Variants in STPG2 observed in about 807,000 individuals in gnomAD.
The protein encoded by STPG2 is sperm tail PG-rich repeat containing 2.
In STPG2, 56 loss-of-function variants were observed where a neutral mutation model predicts 54.2. The ratio of observed to expected loss-of-function variants is 1.03; its 90% confidence interval spans 0.83 to 1.29. The LOEUF (loss-of-function observed/expected upper bound fraction) is 1.29. Among genes scored for constraint, STPG2 ranks in the 50% most tolerant of loss-of-function variants. The pLI is 0.00. For synonymous variants in STPG2, 200 were observed against 181.8 expected, an observed-to-expected ratio of 1.10 and a Z score of -0.81; for missense variants, 596 against 544.9, an observed-to-expected ratio of 1.09 and a Z score of -0.93.
intron 3 of STPG2, among the ~76,000 whole-genome samples, chr4:98,127,188 G>A (rs750433086): frequency 2.9e-5 from 4 of 135,956 alleles, no homozygotes; most frequent in African/African-American, 8.5e-5. Context: ...GGCAAACATC[G>A]TAATAACATA....
At chr4:97,818,278 C>T (rs1038456997) in intron 9 of STPG2, among the ~76,000 whole-genome samples, 1 of 151,766 alleles carries the variant, frequency 6.6e-6, no homozygotes, top group Non-Finnish European at 1.5e-5. Flanking sequence ...CCAGTGTATG[C>T]CTGAAATCAA....
At chr4:97,791,644 A>C (rs868687359) in intron 9 of STPG2, among the ~76,000 whole-genome samples, 17 of 152,136 alleles carry the variant, frequency 1.1e-4, no homozygotes, top group African/African-American at 4.1e-4. Context: ...ATTAACAAAG[A>C]TTAGGCAAAC....
chr4:97,806,062 A>T (rs1727552253), intron 9 of STPG2, among the ~76,000 whole-genome samples: 1 of 152,208 alleles, frequency 6.6e-6, no homozygotes, highest in Admixed American at 6.5e-5. Context: ...GGTATGTTCA[A>T]CGCAGTGCTA....
At chr4:98,048,376 A>G (rs963231215) in intron 5 of STPG2, among the ~76,000 whole-genome samples, 1 of 152,262 alleles carries the variant, frequency 6.6e-6, no homozygotes, top group African/African-American at 2.4e-5. Context: ...TCTGAAGAAC[A>G]AAGTTTATCT....
intron 10 of STPG2, among the ~76,000 whole-genome samples, chr4:97,597,408 C>T (rs574118939): frequency 3.3e-5 from 5 of 152,054 alleles, no homozygotes; most frequent in South Asian, 4.2e-4. Flanking sequence ...ACTCATTCTA[C>T]GAAGCCAGCA....
intron 3 of STPG2, among the ~76,000 whole-genome samples, chr4:98,121,944 T>C (rs1292309046): frequency 6.6e-6 from 1 of 152,090 alleles, no homozygotes; most frequent in Non-Finnish European, 1.5e-5. Context: ...ATGGTCTCAA[T>C]CTCTTGACCT....
rs770514321 is a variant in STPG2 at position 97,774,516 on chromosome 4, ATATTCTTGCTAAAATGGT to A, written c.1205-61720_1205-61703del. 3.4e-4 allele frequency among the ~76,000 whole-genome samples: 51 copies of A among 152,208 alleles called. 1 individual carries two copies. The highest frequency in any genetic ancestry group is 5.0e-4 in the Non-Finnish European group (34 of 68,026). ...CACTCACACCAAGCATATCATGGTT[ATATTCTTGCTAAAATGGT>A]TAGGTGAGGTTTACAGTAAGGAGTA... On this transcript the variant is annotated intron_variant, in intron 9 of 10. Coordinates refer to ENST00000295268, the MANE Select transcript of STPG2 (RefSeq NM_174952.3).
chr4:98,139,799 C>A (rs1429263175), intron 1 of STPG2, among the ~76,000 whole-genome samples: 1 of 152,228 alleles, frequency 6.6e-6, no homozygotes, highest in Non-Finnish European at 1.5e-5. Flanking sequence ...ACGCTCCTTA[C>A]TTCTCTCTAA....
intron 5 of STPG2, among the ~76,000 whole-genome samples, chr4:98,072,848 A>G (rs1433695689): frequency 1.3e-5 from 2 of 152,222 alleles, no homozygotes; most frequent in African/African-American, 4.8e-5. Context: ...AGCTCTAAAC[A>G]CACTACTACT....
chr4:98,103,568 G>C (rs1266826422), intron 5 of STPG2, among the ~76,000 whole-genome samples: 1 of 151,962 alleles, frequency 6.6e-6, no homozygotes, highest in African/African-American at 2.4e-5. Flanking sequence ...TTGAACCCAG[G>C]AGGCGGAGGT....
chr4:98,059,843 G>T (rs978791319), intron 5 of STPG2, among the ~76,000 whole-genome samples: 8 of 152,060 alleles, frequency 5.3e-5, no homozygotes, highest in African/African-American at 1.9e-4. Flanking sequence ...TACAGAAAAG[G>T]CTTTTGATAA....
intron 4 of STPG2, among the ~76,000 whole-genome samples, chr4:97,489,341 G>A (rs952085378): frequency 1.3e-5 from 2 of 151,732 alleles, no homozygotes; most frequent in African/African-American, 4.8e-5. Context: ...GATACTAGTA[G>A]AAATATCAGG....
intron 5 of STPG2, among the ~76,000 whole-genome samples, chr4:98,091,391 C>A (rs1738679815): frequency 1.3e-5 from 2 of 152,028 alleles, no homozygotes; most frequent in Admixed American, 6.6e-5. Context: ...AAGTTGCTTT[C>A]TCACACCTTC....
intron 9 of STPG2, among the ~76,000 whole-genome samples, chr4:97,719,540 A>C (rs1230523655): frequency 6.6e-6 from 1 of 151,998 alleles, no homozygotes; most frequent in Non-Finnish European, 1.5e-5. Flanking sequence ...TGTTGTTCTT[A>C]AAAATATTTA....
intron 8 of STPG2, among the ~76,000 whole-genome samples, chr4:97,878,886 C>A (rs142623013): frequency 6.6e-6 from 1 of 152,190 alleles, no homozygotes; most frequent in East Asian, 1.9e-4. Context: ...CTTTTATGCT[C>A]TGTTTCCCTT....
At position 97,505,044 on chromosome 4, in the gene STPG2, T is replaced by A. The variant is rs540828536; in HGVS notation, c.462+207655A>T. The stretch of plus-strand genomic sequence containing the variant: ...CAAATGGTTGTCTGTTACAGTGGTA[T>A]TTTTTTTTTTCATTTAGATAATCTA... On this transcript the variant is annotated intron_variant, in intron 4 of 4. Coordinates refer to the STPG2 transcript ENST00000522676. Among the ~76,000 whole-genome samples the A allele has an allele frequency of 3.4e-3, 446 of 132,282 alleles. 2 individuals are homozygous for A. Among genetic ancestry groups the A allele is most frequent in the Non-Finnish European group, 5.2e-3 (342 of 66,142 alleles). 86.8% of individuals were successfully genotyped at this position (132,282 alleles called of 152,430 possible).
chr4:97,902,769 T>A (rs1257578471), intron 8 of STPG2, among the ~76,000 whole-genome samples: 1 of 152,162 alleles, frequency 6.6e-6, no homozygotes, highest in Non-Finnish European at 1.5e-5. Flanking sequence ...AGAACTACTG[T>A]ATGATCCTGC....
intron 10 of STPG2, among the ~76,000 whole-genome samples, chr4:97,585,442 C>G (rs552959978): frequency 2.0e-5 from 3 of 151,922 alleles, no homozygotes; most frequent in Admixed American, 6.6e-5. Flanking sequence ...CTAACCACAA[C>G]AAGAAGCCCA....
At chr4:97,515,417 AGATAT>A (rs1731055098) in intron 4 of STPG2, among the ~76,000 whole-genome samples, 1 of 152,094 alleles carries the variant, frequency 6.6e-6, no homozygotes, top group African/African-American at 2.4e-5. Flanking sequence ...AAATGAGAAA[AGATAT>A]GTACATGTGT....
Sources: gnomAD v4.1 joint callset for allele counts (sites outside exome capture counted in the v4.1 genomes callset) on GRCh38, gnomAD v4.1.1 for gene constraint, MANE v1.5 for transcripts, NCBI Gene and HGNC (gene_info 2026-07-23, HGNC 2026-07-21) for gene names.